ARHGAP26: variants seen among roughly 807,000 people sequenced by gnomAD.
ARHGAP26 encodes rho GTPase-activating protein 26.
ARHGAP26 carries 38 observed loss-of-function variants against 104.8 expected under a neutral mutation model. The ratio of observed to expected loss-of-function variants is 0.36; its 90% CI spans 0.28 to 0.48. ARHGAP26 has a LOEUF of 0.48. Among genes scored for constraint, ARHGAP26 ranks in the 20% least tolerant of loss-of-function variants. ARHGAP26 has a pLI of 0.99. For missense variants in ARHGAP26, 704 were observed against 947.9 expected, an observed-to-expected ratio of 0.74 and a Z score of 3.38; for synonymous variants, 341 against 340.0, an observed-to-expected ratio of 1.00 and a Z score of -0.03.
At chr5:142,950,722 C>T (rs1006834532) in intron 11 of ARHGAP26, among the ~76,000 whole-genome samples, 2 of 152,094 alleles carry the variant, frequency 1.3e-5, no homozygotes, top group Non-Finnish European at 2.9e-5. Flanking sequence ...ATGATGGATA[C>T]CTATTTAGAT....
chr5:142,886,306 C>T (rs72799070), intron 5 of ARHGAP26, among the ~76,000 whole-genome samples: 65 of 152,168 alleles, frequency 4.3e-4, no homozygotes, highest in Non-Finnish European at 8.4e-4. Context: ...CATATGAGGA[C>T]AGTAGAGTCA....
chr5:142,790,402 G>A (rs1047911461), intron 1 of ARHGAP26, among the ~76,000 whole-genome samples: 2 of 152,158 alleles, frequency 1.3e-5, no homozygotes, highest in Admixed American at 6.5e-5. Flanking sequence ...GTTTTTGTAG[G>A]CAGAATGATA....
At chr5:143,161,260 T>C (rs1599301793) in intron 20 of ARHGAP26, among the ~76,000 whole-genome samples, 1 of 151,640 alleles carries the variant, frequency 6.6e-6, no homozygotes, top group Non-Finnish European at 1.5e-5. Context: ...GATCCACCCG[T>C]CTTGGCCTCC....
Position 143,101,339 on chromosome 5 carries a change from G to A in ARHGAP26, c.1539-19649G>A, listed in dbSNP as rs78631158. ...AATTTTTTGTTTCACTTTCAGTGCT[G>A]GGGACCAACAGGTCTCTTGATGTAG... On this transcript the variant is annotated intron_variant, in intron 17 of 22. Coordinates refer to ENST00000645722, the MANE Select transcript of ARHGAP26 (RefSeq NM_001135608.3). 8.0e-3 allele frequency among the ~76,000 whole-genome samples: 1,225 copies of A among 152,226 alleles called. 17 individuals are homozygous for A. Among genetic ancestry groups the A allele is most frequent in the African/African-American group, 0.027 (1,140 of 41,532 alleles).
At chr5:142,929,610 G>T (rs1764422919) in intron 10 of ARHGAP26, among the ~76,000 whole-genome samples, 2 of 152,292 alleles carry the variant, frequency 1.3e-5, no homozygotes, top group East Asian at 3.9e-4. Flanking sequence ...ATGTGGAAAA[G>T]AACTTGTATT....
intron 8 of ARHGAP26, among the ~76,000 whole-genome samples, chr5:142,906,509 TC>T (rs1360083734): frequency 1.3e-5 from 2 of 152,180 alleles, no homozygotes; most frequent in Non-Finnish European, 2.9e-5. Flanking sequence ...CTCTCTCCCT[TC>T]CTACTGTCTA....
intron 1 of ARHGAP26, among the ~76,000 whole-genome samples, chr5:142,812,907 A>G (rs1309395496): frequency 6.7e-6 from 1 of 150,066 alleles, no homozygotes; most frequent in Non-Finnish European, 1.5e-5. Flanking sequence ...CTGCATGTTA[A>G]TTCTATATAA....
At chr5:143,156,873 C>A (rs72799988) in intron 20 of ARHGAP26, among the ~76,000 whole-genome samples, 1 of 152,194 alleles carries the variant, frequency 6.6e-6, no homozygotes, top group Non-Finnish European at 1.5e-5. Flanking sequence ...CCATCTCCCC[C>A]CAAAAGCCCA....
intron 20 of ARHGAP26, among the ~76,000 whole-genome samples, chr5:143,159,439 G>A (rs1800921570): frequency 6.6e-6 from 1 of 152,200 alleles, no homozygotes; most frequent in Admixed American, 6.5e-5. Flanking sequence ...GTACAACAGA[G>A]GAATTAGGTA....
chr5:143,138,372 G>T (rs1798136889), intron 19 of ARHGAP26, among the ~76,000 whole-genome samples: 1 of 152,222 alleles, frequency 6.6e-6, no homozygotes. Flanking sequence ...CAAGAGGAAA[G>T]GGAATGATGG....
At chr5:142,884,069 C>T (rs1395489066) in intron 4 of ARHGAP26, among the ~76,000 whole-genome samples, 1 of 152,210 alleles carries the variant, frequency 6.6e-6, no homozygotes, top group African/African-American at 2.4e-5. Context: ...TGGGTTCAGG[C>T]TCCACATGAG....
chr5:142,794,278 A>G (rs1760497689), intron 1 of ARHGAP26, among the ~76,000 whole-genome samples: 2 of 152,204 alleles, frequency 1.3e-5, no homozygotes, highest in African/African-American at 4.8e-5. Flanking sequence ...GACCTGACCC[A>G]GCCCCAGAGT....
rs73302478 is a variant in ARHGAP26, at chr5:143,105,584, C to T, written c.1539-15404C>T. ...TTTAAGGGGTATGCATCCGGGTAGACGTTTGTGTGTGGACATGTGTGTACA... is the reference window on the plus strand; with the variant it reads ...TTTAAGGGGTATGCATCCGGGTAGATGTTTGTGTGTGGACATGTGTGTACA... On this transcript the variant is annotated intron_variant, in intron 17 of 22. Transcript: ENST00000645722. 6.4e-3 allele frequency among the ~76,000 whole-genome samples: 967 copies of T among 152,082 alleles called. 6 individuals carry two copies. The highest frequency in any genetic ancestry group is 0.022 in the African/African-American group (922 of 41,458).
intron 20 of ARHGAP26, among the ~76,000 whole-genome samples, chr5:143,155,135 A>G (rs1057254948): frequency 6.6e-6 from 1 of 152,192 alleles, no homozygotes; most frequent in African/African-American, 2.4e-5. Flanking sequence ...ACCTTTGGAA[A>G]TAACCTGAAC....
intron 19 of ARHGAP26, among the ~76,000 whole-genome samples, chr5:143,134,359 A>G (rs769747889): frequency 6.6e-6 from 1 of 152,184 alleles, no homozygotes; most frequent in African/African-American, 2.4e-5. Context: ...CAAACAGCTG[A>G]GTCTCTTTTC....
At chr5:143,007,897 A>T (rs533132522) in intron 11 of ARHGAP26, among the ~76,000 whole-genome samples, 1 of 152,138 alleles carries the variant, frequency 6.6e-6, no homozygotes, top group South Asian at 2.1e-4. Context: ...CTTTCCCTTC[A>T]TCTCTTAATT....
At chr5:142,889,296 T>A (rs1248161547) in intron 5 of ARHGAP26, among the ~76,000 whole-genome samples, 2 of 152,186 alleles carry the variant, frequency 1.3e-5, no homozygotes, top group Non-Finnish European at 2.9e-5. Flanking sequence ...ACGAGGTCTT[T>A]GTTCTCATGG....
chr5:143,004,996 G>A (rs975158397), intron 11 of ARHGAP26, among the ~76,000 whole-genome samples: 2 of 152,138 alleles, frequency 1.3e-5, no homozygotes, highest in African/African-American at 2.4e-5. Context: ...AAGGATGACA[G>A]CACAGTTTCT....
At chr5:143,122,251 A>G (rs1427492778) in intron 18 of ARHGAP26, among the ~76,000 whole-genome samples, 2 of 152,124 alleles carry the variant, frequency 1.3e-5, no homozygotes, top group African/African-American at 2.4e-5. Flanking sequence ...CGTCTCCTGC[A>G]TCTCTCCTAT....
Sources: allele counts gnomAD v4.1 joint callset (sites outside exome capture counted in the v4.1 genomes callset), GRCh38; gene constraint gnomAD v4.1.1; transcripts MANE v1.5; gene names NCBI Gene and HGNC (gene_info 2026-07-23, HGNC 2026-07-21).